SEC16A: variants seen among roughly 807,000 people sequenced by gnomAD.
SEC16A encodes protein transport protein Sec16A.
SEC16A carries 110 observed loss-of-function variants against 221.9 expected under a neutral mutation model. The observed-to-expected ratio is 0.50, with a 90% CI of 0.42 to 0.58. SEC16A has a LOEUF of 0.58. SEC16A is among the 20% of genes least tolerant of loss of function. SEC16A has a pLI of 0.00. For synonymous variants in SEC16A, 1,393 were observed against 1,257.7 expected (o/e 1.11, Z -2.28); for missense variants, 3,165 against 3,097.8 (o/e 1.02, Z -0.52).
Position 136,476,035 on chromosome 9 carries a change from G to A in SEC16A, c.1581C>T (p.Ser527=), listed in dbSNP as rs773426853. 3.2e-5 allele frequency: 51 copies of A among 1,613,298 alleles called. No individual in the cohort carries two copies. The highest frequency in any genetic ancestry group is 4.2e-5 in the Non-Finnish European group (49 of 1,179,862). The stretch of plus-strand genomic sequence containing the variant: ...AGCCTGAGAGCCTTCCGTGGCTTCT[G>A]CTGCTATAGCTGGATGACACGCTGT... The part of the protein sequence containing the change: ...HPDSVSSSYS[S]RSHGRLSGSA... Residue 527 remains serine (S), a synonymous_variant, in exon 3 of 32, where the codon AGC becomes AGT. Coordinates refer to ENST00000684901, the MANE Select transcript of SEC16A (RefSeq NM_014866.2).
rs747171147 is a variant in SEC16A at position 136,476,896 on chromosome 9, C to A, written c.720G>T (p.Gly240=). The A allele has an allele frequency of 6.2e-7, 1 of 1,611,600 alleles. No individual in the cohort carries two copies. Among genetic ancestry groups the A allele is most frequent in the South Asian group, 1.1e-5 (1 of 91,056 alleles). ...SPCPEGPVPS[G]VPCATSVPHF... ...GAGGAACGCTGGTGGCACAGGGCAC[C>A]CCGCTGGGAACAGGTCCTTCAGGGC... The change falls in exon 3 of 32, where the codon GGG becomes GGT. Residue 240 remains glycine, a synonymous_variant. Coordinates refer to ENST00000684901, the MANE Select transcript of SEC16A (RefSeq NM_014866.2).
chr9:136,477,137 T>C lies in SEC16A; in HGVS notation c.479A>G (p.His160Arg), dbSNP rs768839223. 19 of 1,613,544 alleles carry C rather than the reference T, an allele frequency of 1.2e-5. No individual in the cohort carries two copies. The highest frequency in any genetic ancestry group is 9.9e-5 in the South Asian group (9 of 91,074). The change falls in exon 3 of 32, where the codon CAC becomes CGC. Residue 160 changes from histidine (H) to arginine (R), a missense_variant. By Grantham distance (29) the His-to-Arg change is conservative. Coordinates refer to ENST00000684901, the MANE Select transcript of SEC16A (RefSeq NM_014866.2). Reference sequence around the variant, plus strand: ...TTCAGGATCCACTCCTGGAATGTAGTGAGGAAGATATGGCAGAGTCTGAAC... The same window carrying C: ...TTCAGGATCCACTCCTGGAATGTAGCGAGGAAGATATGGCAGAGTCTGAAC... ...PEVQTLPYLP[H>R]YIPGVDPETS...
Position 136,456,033 on chromosome 9 carries a change from AC to A in SEC16A, c.5664+19del. ...CCACCTTGCCAGACGCCTCTGTGCC[AC>A]CCCAAGCCAAGGCTGTACCTTAATC... On this transcript the variant is annotated intron_variant, in intron 19 of 31. Coordinates refer to ENST00000684901, the MANE Select transcript of SEC16A (RefSeq NM_014866.2). The A allele has an allele frequency of 6.3e-7, 1 of 1,593,410 alleles. No individual in the cohort carries two copies. The highest frequency in any genetic ancestry group is 8.6e-7 in the Non-Finnish European group (1 of 1,164,298).
rs1840230219 is a variant in SEC16A at position 136,466,866 on chromosome 9, C to T, written c.3929+91G>A. The T allele has an allele frequency of 1.4e-6, 2 of 1,447,864 alleles. No homozygotes were observed. The highest frequency in any genetic ancestry group is 1.3e-5 in the South Asian group (1 of 76,618). 89.7% of individuals were successfully genotyped at this position (1,447,864 alleles called of 1,614,324 possible). On this transcript the variant is annotated intron_variant, in intron 6 of 31. Coordinates refer to ENST00000684901, the MANE Select transcript of SEC16A (RefSeq NM_014866.2). The surrounding 1 kb of genome is among the most constrained non-coding windows in gnomAD (Gnocchi z 5.5). ...CAGATGCTCACCCAAACTACCACAG[C>T]TCTTTGTTAAAACCCAGACATGAGG... is the stretch of plus-strand genomic sequence containing the variant.
intron 1 of SEC16A, among the ~76,000 whole-genome samples, 114 bp from the exon 2 acceptor site, chr9:136,478,944 T>C (rs11389322): frequency 0.24 from 30,129 of 126,526 alleles, 3,493 homozygotes; most frequent in Non-Finnish European, 0.33. Context: ...TAGGTCTCCG[T>C]TTTTGTACTG....
chr9:136,475,417 A>C lies in SEC16A; in HGVS notation c.2199T>G (p.Asp733Glu), dbSNP rs188452335. The part of the protein sequence containing the change: ...TTLWAQSELP[D>E]FGGNVLLAPA... ...GGGCCAGAAGGACGTTGCCTCCAAA[A>C]TCTGGCAGCTCACTTTGCGCCCACA... is the stretch of plus-strand genomic sequence containing the variant. Residue 733 changes from aspartate to glutamate, a missense_variant, in exon 3 of 32, where the codon GAT becomes GAG. By Grantham distance (45) the Asp-to-Glu change is conservative. Coordinates refer to ENST00000684901, the MANE Select transcript of SEC16A (RefSeq NM_014866.2). This position sits in a 1 kb window ranked among gnomAD's most constrained non-coding sequence, Gnocchi z 5.0. The C allele has an allele frequency of 1.1e-5, 18 of 1,610,640 alleles. No homozygotes were observed. The highest frequency in any genetic ancestry group is 1.5e-5 in the Non-Finnish European group (18 of 1,177,730).
At chr9:136,482,833 C>G in intron 1 of SEC16A, 105 bp downstream of exon 1, 1 of 313,578 alleles carries the variant, frequency 3.2e-6, no homozygotes, top group Non-Finnish European at 4.6e-6. Flanking sequence ...CTGGGCCCAG[C>G]CGCCTCCTCT....
chr9:136,474,097 G>C lies in SEC16A; in HGVS notation c.3519C>G (p.Tyr1173Ter). 6.2e-7 allele frequency: 1 copy of C among 1,613,024 alleles called. No homozygotes were observed. Among genetic ancestry groups the C allele is most frequent in the Non-Finnish European group, 8.5e-7 (1 of 1,179,770 alleles). Residue 1173 changes from tyrosine to a stop codon, truncating the protein, a stop_gained, in exon 3 of 32, where the codon TAC becomes TAG. Coordinates refer to ENST00000684901, the MANE Select transcript of SEC16A (RefSeq NM_014866.2). LOFTEE classifies it high-confidence loss of function. The part of the protein sequence containing the change: ...RPLYDAYQPQ[Y>*]SLPYPPEPGA... Reference sequence around the variant, plus strand: ...CAGGCTCCGGTGGGTACGGCAAAGAGTACTGAGGCTGGTAGGCATCGTACA... The same window carrying C: ...CAGGCTCCGGTGGGTACGGCAAAGACTACTGAGGCTGGTAGGCATCGTACA...
chr9:136,478,188 T>C (rs2133019307), intron 2 of SEC16A, among the ~76,000 whole-genome samples: 1 of 152,332 alleles, frequency 6.6e-6, no homozygotes, highest in South Asian at 2.1e-4. Flanking sequence ...GAGGACCACT[T>C]GAGCCCAGGA....
chr9:136,477,720 A>G (rs1455446948), intron 2 of SEC16A, 36 bp from the exon 3 acceptor site: 3 of 1,432,568 alleles, frequency 2.1e-6, no homozygotes, highest in African/African-American at 2.9e-5. Context: ...CATAAAATCC[A>G]TATATTCAAA....
At chr9:136,483,752 C>T (rs919897208), upstream of SEC16A, 57 of 985,358 alleles carry the variant, frequency 5.8e-5, no homozygotes, top group Non-Finnish European at 6.9e-5. Flanking sequence ...CGCGGGCGCG[C>T]TCCTCGCATT....
chr9:136,440,454 A>G lies in SEC16A; in HGVS notation c.*1301T>C, dbSNP rs1163584116. On this transcript the variant is annotated 3_prime_UTR_variant, in exon 32 of 32. Transcript: ENST00000684901. ...GATCTGTGCTAATTCCACATTCTAC[A>G]ATTTCTACACTTAAATTTAAAACAC... 2.0e-5 allele frequency: 3 copies of G among 152,598 alleles called. No individual in the cohort carries two copies. Among genetic ancestry groups the G allele is most frequent in the African/African-American group, 4.8e-5 (2 of 41,464 alleles). The allele number at this position is 152,598 out of a possible 1,614,324, so 9.5% of individuals were successfully genotyped here. A position where few individuals can be genotyped will look rare whatever the true frequency, so the allele number is the denominator to read the frequency against.
intron 5 of SEC16A, 77 bp downstream of exon 5, chr9:136,468,338 G>A: frequency 1.2e-6 from 1 of 851,514 alleles, no homozygotes; most frequent in Non-Finnish European, 1.9e-6. Flanking sequence ...GGTGCTGGCT[G>A]GCCAGGGCTG....
intron 17 of SEC16A, among the ~76,000 whole-genome samples, chr9:136,458,027 G>C (rs1243714269): frequency 1.3e-5 from 2 of 152,010 alleles, no homozygotes; most frequent in Non-Finnish European, 2.9e-5. Context: ...CACAATCACA[G>C]CTCACTGCAG....
chr9:136,450,303 C>T (rs1163077551), intron 23 of SEC16A, among the ~76,000 whole-genome samples: 1 of 152,080 alleles, frequency 6.6e-6, no homozygotes, highest in Non-Finnish European at 1.5e-5. Context: ...TAACAGAGGA[C>T]TTATATCCAT....
intron 13 of SEC16A, among the ~76,000 whole-genome samples, chr9:136,460,350 G>A (rs554810146): frequency 4.6e-5 from 7 of 152,252 alleles, no homozygotes; most frequent in Admixed American, 3.3e-4. Context: ...AGCTACTCAG[G>A]AGACTGAGGC....
chr9:136,453,424 G>A lies in SEC16A; in HGVS notation c.6159+4C>T, dbSNP rs552736628. On this transcript the variant is annotated splice_donor_region_variant and intron_variant, in intron 22 of 31. Coordinates refer to ENST00000684901, the MANE Select transcript of SEC16A (RefSeq NM_014866.2). ...AAACAGTTTAAGAAAATGTGACAAA[G>A]TACCAGATTAGCAAATTTTCCATCA... 6.2e-7 allele frequency: 1 copy of A among 1,610,286 alleles called. No homozygotes were observed. Among genetic ancestry groups the A allele is most frequent in the African/African-American group, 1.3e-5 (1 of 75,006 alleles).
chr9:136,451,883 A>C (rs970036290), intron 22 of SEC16A, among the ~76,000 whole-genome samples: 193 of 152,342 alleles, frequency 1.3e-3, no homozygotes, highest in African/African-American at 4.4e-3. Context: ...TAAAACACCT[A>C]ATGCAAGTTC....
chr9:136,483,477 C>T, upstream of SEC16A: 1 of 972,362 alleles, frequency 1.0e-6, no homozygotes, highest in Non-Finnish European at 1.2e-6. Flanking sequence ...GCCCGTGGCC[C>T]CGCCCCCCTC....
Sources: allele counts gnomAD v4.1 joint callset (sites outside exome capture counted in the v4.1 genomes callset), GRCh38; gene constraint gnomAD v4.1.1; non-coding constraint Gnocchi (gnomAD v3.1); transcripts MANE v1.5; gene names NCBI Gene and HGNC (gene_info 2026-07-23, HGNC 2026-07-21).